Variants in TMEM242 observed in about 807,000 individuals in gnomAD.
TMEM242 encodes the protein UPF0463 transmembrane protein C6orf35.
Under a neutral mutation model 18.2 loss-of-function variants are expected in TMEM242, and 10 were observed. That is an observed-to-expected ratio of 0.55 (90% CI 0.34 to 0.93). The LOEUF (loss-of-function observed/expected upper bound fraction) is 0.93, where lower values mean the gene tolerates loss of function less well. Among genes scored for constraint, TMEM242 ranks in the 40% least tolerant of loss-of-function variants. TMEM242 has a pLI of 0.02. For synonymous variants in TMEM242, 57 were observed against 69.9 expected, an observed-to-expected ratio of 0.81 and a Z score of 0.92; for missense variants, 186 against 175.5, an observed-to-expected ratio of 1.06 and a Z score of -0.34.
chr6:157,303,872 A>G (rs587764958), intron 3 of TMEM242, among the ~76,000 whole-genome samples: 32 of 152,270 alleles, frequency 2.1e-4, no homozygotes, highest in Non-Finnish European at 4.0e-4. Context: ...GCACATGAAA[A>G]TATTTTACTT....
intron 3 of TMEM242, among the ~76,000 whole-genome samples, chr6:157,311,391 C>T (rs1304900337): frequency 8.2e-5 from 1 of 12,134 alleles, no homozygotes; most frequent in Admixed American, 7.1e-4. Context: ...TGTGCGCTCA[C>T]CTAGCCTCAT....
At chr6:157,311,463 GCCT>G (rs1554248793) in intron 3 of TMEM242, among the ~76,000 whole-genome samples, 2 of 128,014 alleles carry the variant, frequency 1.6e-5, no homozygotes, top group African/African-American at 5.8e-5. Context: ...CAATCACCTG[GCCT>G]CATCATAGTG....
intron 1 of TMEM242, 122 bp downstream of exon 1, chr6:157,323,290 A>T (rs587727454): frequency 1.8e-6 from 2 of 1,124,540 alleles, no homozygotes; most frequent in South Asian, 1.5e-5. Context: ...GGCTAAACTC[A>T]GGGGCAAGCA....
Position 157,312,464 on chromosome 6 carries a change from G to A in TMEM242, c.327+6318C>T, listed in dbSNP as rs1370259640. On this transcript the variant is annotated intron_variant, in intron 3 of 3. Coordinates refer to ENST00000400788, the MANE Select transcript of TMEM242 (RefSeq NM_018452.6). ...TCACCGAGCCTCATAGTGCCCCAGC[G>A]TGCACTCACCTAGCCTCATCATAGT... 8.9e-5 allele frequency among the ~76,000 whole-genome samples: 5 copies of A among 55,954 alleles called. 1 individual carries two copies. Among genetic ancestry groups the A allele is most frequent in the African/African-American group, 2.0e-4 (3 of 14,796 alleles). 36.7% of individuals were successfully genotyped at this position (55,954 alleles called of 152,430 possible). A position where few individuals can be genotyped will look rare whatever the true frequency, so the allele number is the denominator to read the frequency against.
At chr6:157,313,153 CCTGG>C (rs1778248104) in intron 3 of TMEM242, among the ~76,000 whole-genome samples, 2 of 134,050 alleles carry the variant, frequency 1.5e-5, no homozygotes, top group African/African-American at 2.7e-5. Context: ...TGTGCGCTCA[CCTGG>C]CCTCATCATA....
chr6:157,308,213 C>T (rs1375987971), intron 3 of TMEM242, among the ~76,000 whole-genome samples: 1 of 152,180 alleles, frequency 6.6e-6, no homozygotes, highest in African/African-American at 2.4e-5. Flanking sequence ...AACGCTGCTT[C>T]ATTTGAGGTG....
At chr6:157,306,967 A>T (rs1410756232) in intron 3 of TMEM242, among the ~76,000 whole-genome samples, 3 of 152,264 alleles carry the variant, frequency 2.0e-5, no homozygotes, top group African/African-American at 7.2e-5. Flanking sequence ...TTTCAGGTAG[A>T]AAAATCCATT....
intron 3 of TMEM242, among the ~76,000 whole-genome samples, chr6:157,295,689 A>G (rs587701177): frequency 2.8e-4 from 42 of 152,298 alleles, no homozygotes; most frequent in African/African-American, 9.4e-4. Flanking sequence ...TTTCTCAAAT[A>G]TTAAATTATT....
At chr6:157,313,312 G>T in intron 3 of TMEM242, among the ~76,000 whole-genome samples, 1 of 62,372 alleles carries the variant, frequency 1.6e-5, no homozygotes, top group Non-Finnish European at 3.4e-5. Flanking sequence ...TAGTGTCCCA[G>T]TGTGCGCTCA....
At chr6:157,294,275 T>C (rs1277109073) in intron 3 of TMEM242, among the ~76,000 whole-genome samples, 3 of 152,018 alleles carry the variant, frequency 2.0e-5, no homozygotes, top group African/African-American at 7.2e-5. Context: ...AGTCATATTT[T>C]CCTAAGGATA....
At chr6:157,302,992 A>T (rs1351056587) in intron 3 of TMEM242, among the ~76,000 whole-genome samples, 7 of 152,174 alleles carry the variant, frequency 4.6e-5, no homozygotes, top group Non-Finnish European at 1.0e-4. Flanking sequence ...TCCAGTTCTG[A>T]TATTCCATTC....
chr6:157,301,352 C>G (rs1362515893), intron 3 of TMEM242, among the ~76,000 whole-genome samples: 5 of 151,738 alleles, frequency 3.3e-5, no homozygotes, highest in South Asian at 2.1e-4. Context: ...GAGTCTTGCT[C>G]TGTTGCCCAG....
rs1489784937 is a variant in TMEM242, at chr6:157,306,531, TTCACTGAGGGACACACGGGA to T, written c.327+12231_327+12250del. ...GGTTGTAGTTGGGGACAAATGACAG[TTCACTGAGGGACACACGGGA>T]TGCCTGCAGGACACCCAAGCACCTG... On this transcript the variant is annotated intron_variant, in intron 3 of 3. Coordinates refer to ENST00000400788, the MANE Select transcript of TMEM242 (RefSeq NM_018452.6). Among the ~76,000 whole-genome samples, 18 of 152,136 alleles carry T rather than the reference TTCACTGAGGGACACACGGGA, an allele frequency of 1.2e-4. No individual in the cohort carries two copies. The East Asian group carries it at 3.5e-3, about 29-fold the overall frequency.
intron 2 of TMEM242, among the ~76,000 whole-genome samples, chr6:157,320,643 G>A (rs1554250656): frequency 6.6e-6 from 1 of 152,008 alleles, no homozygotes. Context: ...GCTAATTTTT[G>A]TATTTTTAGT....
At chr6:157,315,654 T>C (rs782494022) in intron 3 of TMEM242, among the ~76,000 whole-genome samples, 14 of 152,304 alleles carry the variant, frequency 9.2e-5, no homozygotes, top group African/African-American at 1.2e-4. Context: ...ATAAAAGGAT[T>C]CCACATATTC....
At chr6:157,297,016 G>T (rs974426781) in intron 3 of TMEM242, among the ~76,000 whole-genome samples, 3 of 152,208 alleles carry the variant, frequency 2.0e-5, no homozygotes, top group Non-Finnish European at 2.9e-5. Flanking sequence ...TGTTATTCTC[G>T]TTCACATTTC....
intron 3 of TMEM242, among the ~76,000 whole-genome samples, chr6:157,316,176 C>T (rs782299157): frequency 5.9e-5 from 9 of 152,178 alleles, no homozygotes; most frequent in African/African-American, 1.2e-4. Flanking sequence ...ATGTAAAGTG[C>T]TAGCAGACTG....
At chr6:157,315,553 T>C (rs1489971665) in intron 3 of TMEM242, among the ~76,000 whole-genome samples, 2 of 152,140 alleles carry the variant, frequency 1.3e-5, no homozygotes, top group Non-Finnish European at 2.9e-5. Flanking sequence ...CTCTCTTTCT[T>C]TGTGGTCCCA....
At chr6:157,318,746 C>T (rs781784108) in intron 3 of TMEM242, 36 bp downstream of exon 3, 4 of 1,612,008 alleles carry the variant, frequency 2.5e-6, no homozygotes, top group Non-Finnish European at 3.4e-6. Flanking sequence ...GCAGAATAAA[C>T]ATGTAGATAC....
Sources: gnomAD v4.1 joint callset for allele counts (sites outside exome capture counted in the v4.1 genomes callset) on GRCh38, gnomAD v4.1.1 for gene constraint, MANE v1.5 for transcripts, NCBI Gene and HGNC (gene_info 2026-07-23, HGNC 2026-07-21) for gene names.